The following PTPRD variants were observed in gnomAD, a reference collection of about 807,000 sequenced individuals.
PTPRD encodes protein tyrosine phosphatase receptor type D, also known as receptor-type tyrosine-protein phosphatase delta.
A neutral mutation model predicts 214.5 loss-of-function variants in PTPRD; 34 were observed. That is an observed-to-expected ratio of 0.16 (90% CI 0.12 to 0.21). The LOEUF (loss-of-function observed/expected upper bound fraction) is 0.21, where lower values mean the gene tolerates loss of function less well. Ranked by LOEUF, PTPRD falls within the 10% of genes least tolerant of loss-of-function variation. The pLI is 1.00. For synonymous variants in PTPRD, 1,128 were observed against 845.7 expected (o/e 1.33, Z -5.79); for missense variants, 2,545 against 2,398.7 (o/e 1.06, Z -1.27).
intron 8 of PTPRD, among the ~76,000 whole-genome samples, chr9:9,521,864 A>T (rs2096981864): frequency 6.6e-6 from 1 of 152,140 alleles, no homozygotes; most frequent in African/African-American, 2.4e-5. Flanking sequence ...CAGAAAAAAA[A>T]TGGTCTGTTC....
At chr9:9,668,577 T>A (rs1285359625) in intron 7 of PTPRD, among the ~76,000 whole-genome samples, 1 of 152,200 alleles carries the variant, frequency 6.6e-6, no homozygotes, top group Non-Finnish European at 1.5e-5. Context: ...TCTTAACTTC[T>A]TTGCTCATAA....
At chr9:10,131,448 T>C (rs1029864777) in intron 3 of PTPRD, among the ~76,000 whole-genome samples, 4 of 152,174 alleles carry the variant, frequency 2.6e-5, no homozygotes, top group Admixed American at 2.6e-4. Flanking sequence ...TTTATTATTT[T>C]CAGTCTTTGA....
At chr9:9,115,372 GA>G (rs1249477851) in intron 10 of PTPRD, among the ~76,000 whole-genome samples, 9 of 151,970 alleles carry the variant, frequency 5.9e-5, no homozygotes, top group Admixed American at 5.9e-4. Flanking sequence ...ACAAACATAG[GA>G]AAAAATGTTC....
chr9:9,889,400 A>G (rs1358657421), intron 5 of PTPRD, among the ~76,000 whole-genome samples: 1 of 152,134 alleles, frequency 6.6e-6, no homozygotes, highest in Admixed American at 6.6e-5. Context: ...TTTCAATTAA[A>G]AAATACAAAT....
At chr9:9,256,528 G>T (rs569197682) in intron 9 of PTPRD, among the ~76,000 whole-genome samples, 1 of 151,648 alleles carries the variant, frequency 6.6e-6, no homozygotes, top group African/African-American at 2.4e-5. Flanking sequence ...AAAATTCCTT[G>T]CCTTTCTCAG....
rs149042394 is a variant in PTPRD at position 8,573,997 on chromosome 9, G to C, written c.353-45218C>G. ...TTATTCATCCTTGTATTTTCAGATA[G>C]TTGGAAGAAATGGCAGTTCCAGGGA... On this transcript the variant is annotated intron_variant, in intron 14 of 45. Coordinates refer to ENST00000381196, the MANE Select transcript of PTPRD (RefSeq NM_002839.4). Among the ~76,000 whole-genome samples, 850 of 151,996 alleles carry C rather than the reference G, an allele frequency of 5.6e-3. 6 individuals are homozygous for C. Among genetic ancestry groups the C allele is most frequent in the Middle Eastern group, 0.017 (5 of 292 alleles).
intron 8 of PTPRD, among the ~76,000 whole-genome samples, chr9:9,475,222 G>A (rs529309031): frequency 1.8e-4 from 28 of 152,114 alleles, no homozygotes; most frequent in South Asian, 4.1e-4. Context: ...AATATATTAC[G>A]AAATCTGCAA....
Position 9,364,509 on chromosome 9 carries a change from A to T in PTPRD, c.-203+32940T>A, listed in dbSNP as rs142332131. On this transcript the variant is annotated intron_variant, in intron 9 of 45. Transcript: ENST00000381196. ...ATATTTGAGCAAATTGTTGAATGGT[A>T]TGAGGCAGCTATCCCTGCACATATA... Among the ~76,000 whole-genome samples the T allele has an allele frequency of 2.1e-4, 32 of 151,552 alleles. No homozygotes were observed. The East Asian group carries it at 4.5e-3, about 21-fold the overall frequency.
chr9:9,444,325 G>A (rs557416813), intron 8 of PTPRD, among the ~76,000 whole-genome samples: 2 of 152,224 alleles, frequency 1.3e-5, no homozygotes, highest in African/African-American at 2.4e-5. Context: ...CGATAAATAT[G>A]AAAAGATTTG....
intron 37 of PTPRD, among the ~76,000 whole-genome samples, chr9:8,377,789 T>G (rs542434126): frequency 6.6e-6 from 1 of 152,070 alleles, no homozygotes; most frequent in Non-Finnish European, 1.5e-5. Context: ...CACTAGAATT[T>G]TTTGGGTCCA....
intron 10 of PTPRD, among the ~76,000 whole-genome samples, chr9:9,041,998 A>G (rs2099641379): frequency 6.6e-6 from 1 of 152,204 alleles, no homozygotes; most frequent in African/African-American, 2.4e-5. Flanking sequence ...GATGTGACAT[A>G]AATCCAATTC....
intron 8 of PTPRD, among the ~76,000 whole-genome samples, chr9:9,547,345 C>G (rs1002130359): frequency 6.6e-6 from 1 of 152,016 alleles, no homozygotes; most frequent in African/African-American, 2.4e-5. Flanking sequence ...AAATAAACAT[C>G]TTTTTCTTTT....
intron 7 of PTPRD, among the ~76,000 whole-genome samples, chr9:9,716,498 C>T (rs577377495): frequency 1.3e-3 from 194 of 152,170 alleles, no homozygotes; most frequent in African/African-American, 4.6e-3. Flanking sequence ...TATTTCTCCA[C>T]ATCCTCTCCA....
chr9:8,763,593 A>C (rs1344269711), intron 11 of PTPRD, among the ~76,000 whole-genome samples: 1 of 151,410 alleles, frequency 6.6e-6, no homozygotes, highest in East Asian at 1.9e-4. Flanking sequence ...ATAACACTAT[A>C]ATGCATTGCT....
intron 8 of PTPRD, among the ~76,000 whole-genome samples, chr9:9,498,786 GACAGGAAA>G (rs2096290986): frequency 6.6e-6 from 1 of 152,046 alleles, no homozygotes; most frequent in South Asian, 2.1e-4. Context: ...ATAATTGTAA[GACAGGAAA>G]TGATCTGTGA....
chr9:9,570,470 C>T lies in PTPRD; in HGVS notation c.-237+4262G>A, dbSNP rs576289065. Among the ~76,000 whole-genome samples, 31 of 151,570 alleles carry T rather than the reference C, an allele frequency of 2.0e-4. 1 individual carries two copies. The South Asian group carries it at 6.2e-3, about 30-fold the overall frequency. ...GTTTGTGTTTCTTAACTGGATTTTTCCCTTTAACTATCACTTACATTCAGG... is the reference window on the plus strand; with the variant it reads ...GTTTGTGTTTCTTAACTGGATTTTTTCCTTTAACTATCACTTACATTCAGG... On this transcript the variant is annotated intron_variant, in intron 8 of 45. Coordinates refer to ENST00000381196, the MANE Select transcript of PTPRD (RefSeq NM_002839.4).
intron 2 of PTPRD, among the ~76,000 whole-genome samples, chr9:10,504,790 C>A (rs1470074994): frequency 6.6e-6 from 1 of 152,152 alleles, no homozygotes; most frequent in Non-Finnish European, 1.5e-5. Context: ...TAATTCATGT[C>A]CTTTTTCAAT....
intron 9 of PTPRD, among the ~76,000 whole-genome samples, chr9:9,252,061 T>C (rs375427320): frequency 6.6e-5 from 10 of 151,992 alleles, no homozygotes; most frequent in African/African-American, 2.2e-4. Flanking sequence ...CGGGATTTCT[T>C]TTTTTTTGCC....
chr9:9,617,553 T>C (rs1219456454), intron 7 of PTPRD, among the ~76,000 whole-genome samples: 2 of 151,972 alleles, frequency 1.3e-5, no homozygotes, highest in East Asian at 3.9e-4. Flanking sequence ...AGGTATTTCG[T>C]TGAATGAAAA....
Sources: gnomAD v4.1 joint callset for allele counts (sites outside exome capture counted in the v4.1 genomes callset) on GRCh38, gnomAD v4.1.1 for gene constraint, MANE v1.5 for transcripts, NCBI Gene and HGNC (gene_info 2026-07-23, HGNC 2026-07-21) for gene names.